Variants in PGBD5 observed in about 807,000 individuals in gnomAD.
PGBD5 encodes the protein piggyBac transposable element-derived protein 5.
In PGBD5, 14 loss-of-function variants were observed where a neutral mutation model predicts 47.9. The observed-to-expected ratio is 0.29, with a 90% confidence interval of 0.19 to 0.46. The LOEUF is 0.46. PGBD5 is among the 20% of genes least tolerant of loss of function. The pLI is 1.00. For missense variants in PGBD5, 635 were observed against 716.0 expected, an observed-to-expected ratio of 0.89 and a Z score of 1.29; for synonymous variants, 316 against 306.3, an observed-to-expected ratio of 1.03 and a Z score of -0.33.
At chr1:230,381,818 C>T (rs1181271402) in intron 1 of PGBD5, among the ~76,000 whole-genome samples, 1 of 152,088 alleles carries the variant, frequency 6.6e-6, no homozygotes, top group Non-Finnish European at 1.5e-5. Flanking sequence ...CATTTCCTTT[C>T]TTCCCTTCAC....
At chr1:230,329,340 G>A (rs183618556) in intron 5 of PGBD5, among the ~76,000 whole-genome samples, 2 of 152,136 alleles carry the variant, frequency 1.3e-5, no homozygotes, top group African/African-American at 4.8e-5. Context: ...CTAGAATCTG[G>A]AGTAAAAAAA....
chr1:230,423,122 A>C (rs750412407), intron 1 of PGBD5, among the ~76,000 whole-genome samples: 10 of 152,160 alleles, frequency 6.6e-5, no homozygotes, highest in Admixed American at 3.3e-4. Context: ...TCCATAAAAC[A>C]CATTTATGTA....
rs543766110 is a variant in PGBD5 at position 230,372,542 on chromosome 1, G to A, written c.332-15221C>T. Among the ~76,000 whole-genome samples the A allele has an allele frequency of 1.1e-4, 17 of 152,274 alleles. No individual in the cohort carries two copies. In the East Asian group the frequency reaches 2.5e-3, roughly 22 times the overall value. On this transcript the variant is annotated intron_variant, in intron 1 of 6. Transcript: ENST00000391860. Reference sequence around the variant, plus strand: ...GCTTGCTCCTGGAGAGCACCTCCACGTAAATGCCAAGAACACAGAATACTA... The same window carrying A: ...GCTTGCTCCTGGAGAGCACCTCCACATAAATGCCAAGAACACAGAATACTA...
intron 1 of PGBD5, among the ~76,000 whole-genome samples, chr1:230,360,054 C>T (rs981367094): frequency 7.2e-5 from 11 of 152,142 alleles, no homozygotes; most frequent in African/African-American, 2.7e-4. Flanking sequence ...GTGGGTGCAG[C>T]CGTCAATTAT....
Position 230,333,051 on chromosome 1 carries a change from G to A in PGBD5, c.1076-10C>T. 1.9e-6 allele frequency: 3 copies of A among 1,581,134 alleles called. No homozygotes were observed. The highest frequency in any genetic ancestry group is 1.1e-5 in the South Asian group (1 of 87,320). ...CCGCAGCAGTAAATCCCTGAGGGGAGAGGGAGGAAGGATCGCACACTCACC... is the reference window on the plus strand; with the variant it reads ...CCGCAGCAGTAAATCCCTGAGGGGAAAGGGAGGAAGGATCGCACACTCACC... On this transcript the variant is annotated splice_polypyrimidine_tract_variant and intron_variant, in intron 4 of 6. Coordinates refer to ENST00000391860, the MANE Select transcript of PGBD5 (RefSeq NM_001258311.2).
chr1:230,398,906 C>T (rs776992663), intron 1 of PGBD5, among the ~76,000 whole-genome samples: 6 of 152,224 alleles, frequency 3.9e-5, no homozygotes, highest in East Asian at 1.9e-4. Context: ...GAAACAGAAG[C>T]GGAAGGGCTG....
At chr1:230,418,024 G>A (rs1265042827) in intron 1 of PGBD5, among the ~76,000 whole-genome samples, 1 of 152,160 alleles carries the variant, frequency 6.6e-6, no homozygotes, top group Non-Finnish European at 1.5e-5. Context: ...TGGGGAGGAG[G>A]GGTGCCAGTA....
chr1:230,418,647 G>A (rs550110441), intron 1 of PGBD5, among the ~76,000 whole-genome samples: 1 of 152,250 alleles, frequency 6.6e-6, no homozygotes, highest in African/African-American at 2.4e-5. Flanking sequence ...ACCACGCTTG[G>A]CTAATTTTTT....
At chr1:230,389,471 C>A (rs1656735417) in intron 1 of PGBD5, among the ~76,000 whole-genome samples, 1 of 152,228 alleles carries the variant, frequency 6.6e-6, no homozygotes, top group African/African-American at 2.4e-5. Context: ...CCACGCCCAG[C>A]TGACATTTTT....
intron 1 of PGBD5, among the ~76,000 whole-genome samples, chr1:230,382,197 CCT>C (rs1471512999): frequency 1.3e-5 from 2 of 152,174 alleles, no homozygotes; most frequent in Non-Finnish European, 2.9e-5. Flanking sequence ...CAGAGACAGC[CCT>C]GAGTGTCTCG....
intron 1 of PGBD5, among the ~76,000 whole-genome samples, chr1:230,414,923 T>C (rs898282291): frequency 1.3e-5 from 2 of 152,192 alleles, no homozygotes; most frequent in African/African-American, 4.8e-5. Context: ...CTGGGAACAC[T>C]TATTTAAGAT....
rs1666923271 is a variant in PGBD5 at position 230,315,641 on chromosome 1, T to C, written c.*7784A>G. The C allele has an allele frequency of 1.3e-5, 2 of 151,880 alleles. No homozygotes were observed. Among genetic ancestry groups the C allele is most frequent in the Admixed American group, 1.3e-4 (2 of 15,260 alleles). 9.4% of individuals were successfully genotyped at this position (151,880 alleles called of 1,614,324 possible). On this transcript the variant is annotated 3_prime_UTR_variant, in exon 7 of 7. Coordinates refer to ENST00000391860, the MANE Select transcript of PGBD5 (RefSeq NM_001258311.2). Reference sequence around the variant, plus strand: ...TGATTGCTAAGGACCTAGCAGAGGCTCATCATGTGGTAGACTCTGTATTTT... The same window carrying C: ...TGATTGCTAAGGACCTAGCAGAGGCCCATCATGTGGTAGACTCTGTATTTT...
intron 5 of PGBD5, among the ~76,000 whole-genome samples, chr1:230,331,106 G>C (rs1050891545): frequency 6.6e-6 from 1 of 151,968 alleles, no homozygotes; most frequent in Non-Finnish European, 1.5e-5. Flanking sequence ...CTTTTCAGAG[G>C]TCATCACTTA....
At chr1:230,355,697 G>T (rs1195702991) in intron 2 of PGBD5, among the ~76,000 whole-genome samples, 3 of 152,188 alleles carry the variant, frequency 2.0e-5, no homozygotes, top group African/African-American at 7.2e-5. Context: ...GGGGAATTCA[G>T]ATAACAGGGA....
At chr1:230,381,324 C>T (rs1254516521) in intron 1 of PGBD5, among the ~76,000 whole-genome samples, 1 of 152,186 alleles carries the variant, frequency 6.6e-6, no homozygotes, top group African/African-American at 2.4e-5. Flanking sequence ...CCCAGGCAAC[C>T]AGCCTACTCT....
At chr1:230,339,258 C>G (rs991445590) in intron 3 of PGBD5, among the ~76,000 whole-genome samples, 1 of 152,196 alleles carries the variant, frequency 6.6e-6, no homozygotes, top group Non-Finnish European at 1.5e-5. Flanking sequence ...GGGAAACAGA[C>G]TGATTCAATG....
In PGBD5 at chr1:230,382,434, C is replaced by G. The variant is rs145099383; in HGVS notation, c.332-25113G>C. Among the ~76,000 whole-genome samples the G allele has an allele frequency of 3.5e-4, 53 of 152,312 alleles. No homozygotes were observed. In the East Asian group the frequency reaches 7.9e-3, roughly 23 times the overall value. The stretch of plus-strand genomic sequence containing the variant: ...GCCTGTAGCGGCCAACTGTGAGCAC[C>G]TGAACTGCACTGAACAGGCCACACT... On this transcript the variant is annotated intron_variant, in intron 1 of 6. Transcript: ENST00000391860.
intron 4 of PGBD5, among the ~76,000 whole-genome samples, chr1:230,335,912 AAGACAC>A (rs1158020075): frequency 6.3e-5 from 9 of 143,554 alleles, no homozygotes; most frequent in South Asian, 2.3e-4. Context: ...TACAGACACA[AAGACAC>A]AGACACAGAC....
intron 1 of PGBD5, among the ~76,000 whole-genome samples, chr1:230,396,217 ATTC>A (rs1387617203): frequency 5.2e-4 from 22 of 41,944 alleles, no homozygotes; most frequent in South Asian, 2.3e-3. Context: ...TTTTACTCAC[ATTC>A]CTCCTTTTTA....
Sources: allele counts gnomAD v4.1 joint callset (sites outside exome capture counted in the v4.1 genomes callset), GRCh38; gene constraint gnomAD v4.1.1; transcripts MANE v1.5; gene names NCBI Gene and HGNC (gene_info 2026-07-23, HGNC 2026-07-21).